MYO10: variants seen among roughly 807,000 people sequenced by gnomAD.
MYO10 encodes myosin X.
In MYO10, 133 loss-of-function variants were observed where a neutral mutation model predicts 257.3. The ratio of observed to expected loss-of-function variants is 0.52; its 90% CI spans 0.45 to 0.60. The LOEUF (loss-of-function observed/expected upper bound fraction) is 0.60, where lower values mean the gene tolerates loss of function less well. Among genes scored for constraint, MYO10 ranks in the 20% least tolerant of loss-of-function variants. The pLI, the probability that MYO10 is intolerant of heterozygous loss-of-function variation, is 0.00. For missense variants in MYO10, 2,399 were observed against 2,635.7 expected (o/e 0.91, Z 1.97); for synonymous variants, 1,104 against 1,028.6 (o/e 1.07, Z -1.40).
Position 16,888,965 on chromosome 5 carries a change from A to C in MYO10, c.22-11258T>G, listed in dbSNP as rs1489324224. Among the ~76,000 whole-genome samples, 3 of 151,972 alleles carry C rather than the reference A, an allele frequency of 2.0e-5. No homozygotes were observed. In the East Asian group the frequency reaches 5.8e-4, roughly 29 times the overall value. On this transcript the variant is annotated intron_variant, in intron 1 of 40. Transcript: ENST00000513610. ...AGGTGGGAGGATCGTTTGAGCTCAGAAGTTTGAGACTAGCCTGGGCAATAT... is the reference window on the plus strand; with the variant it reads ...AGGTGGGAGGATCGTTTGAGCTCAGCAGTTTGAGACTAGCCTGGGCAATAT...
chr5:16,722,344 C>T (rs574843432), intron 19 of MYO10, among the ~76,000 whole-genome samples: 83 of 152,340 alleles, frequency 5.4e-4, no homozygotes, highest in African/African-American at 1.9e-3. Context: ...GAGTTCACTA[C>T]ATTGCCTGGT....
chr5:16,719,896 G>A (rs748232762), intron 19 of MYO10, among the ~76,000 whole-genome samples: 9 of 152,098 alleles, frequency 5.9e-5, no homozygotes, highest in Middle Eastern at 3.2e-3. Flanking sequence ...CCCAGGAGGC[G>A]GAGGTTGTAG....
At chr5:16,879,465 A>G (rs1321091846) in intron 1 of MYO10, among the ~76,000 whole-genome samples, 2 of 152,188 alleles carry the variant, frequency 1.3e-5, no homozygotes, top group African/African-American at 4.8e-5. Flanking sequence ...GGAGTGCCCC[A>G]GATATATCAG....
At chr5:16,812,385 C>A (rs1473595875) in intron 3 of MYO10, among the ~76,000 whole-genome samples, 1 of 152,182 alleles carries the variant, frequency 6.6e-6, no homozygotes, top group Non-Finnish European at 1.5e-5. Flanking sequence ...GCATCAAACT[C>A]GGTACGGCCT....
intron 3 of MYO10, among the ~76,000 whole-genome samples, chr5:16,796,192 A>T (rs1324453898): frequency 8.6e-6 from 1 of 116,724 alleles, no homozygotes; most frequent in African/African-American, 3.9e-5. Flanking sequence ...CTGTCAAAAA[A>T]AAAAAAAAAA....
chr5:16,720,705 G>A (rs111478460), intron 19 of MYO10, among the ~76,000 whole-genome samples: 1,950 of 152,220 alleles, frequency 0.013, 49 homozygotes, highest in African/African-American at 0.043. Flanking sequence ...TGATCCACCC[G>A]CCTTGGCCTC....
intron 4 of MYO10, among the ~76,000 whole-genome samples, chr5:16,787,142 C>T (rs1304268843): frequency 6.6e-6 from 1 of 151,916 alleles, no homozygotes; most frequent in African/African-American, 2.4e-5. Context: ...GCACTCTAGC[C>T]TGGGTGACAG....
intron 5 of MYO10, among the ~76,000 whole-genome samples, chr5:16,783,088 G>A: frequency 6.6e-6 from 1 of 152,156 alleles, no homozygotes; most frequent in Non-Finnish European, 1.5e-5. Flanking sequence ...TCTGCAGACA[G>A]CCATTGCGCG....
intron 3 of MYO10, among the ~76,000 whole-genome samples, chr5:16,811,226 C>G (rs1742430642): frequency 6.6e-6 from 1 of 152,174 alleles, no homozygotes; most frequent in South Asian, 2.1e-4. Context: ...CTGCCCCAGG[C>G]ACTCCGGGAT....
At chr5:16,856,755 G>A (rs957941787) in intron 2 of MYO10, among the ~76,000 whole-genome samples, 1 of 152,126 alleles carries the variant, frequency 6.6e-6, no homozygotes, top group African/African-American at 2.4e-5. Context: ...ATTTAGGGAT[G>A]AGTCCAACGC....
chr5:16,793,584 A>C (rs1741836249), intron 4 of MYO10, among the ~76,000 whole-genome samples: 1 of 152,060 alleles, frequency 6.6e-6, no homozygotes, highest in Non-Finnish European at 1.5e-5. Flanking sequence ...TGGCCTCCTA[A>C]AGTGCTGGGA....
chr5:16,781,820 C>T lies in MYO10; in HGVS notation c.612G>A (p.Met204Ile). 1 of 1,613,934 alleles carries T rather than the reference C, an allele frequency of 6.2e-7. No individual in the cohort carries two copies. ...ERAILESSPI[M>I]EAFGNAKTVY... Reference sequence around the variant, plus strand: ...CGGTCTTCGCATTGCCGAAAGCTTCCATGATGGGGCTGTGAAGACAGTGAG... The same window carrying T: ...CGGTCTTCGCATTGCCGAAAGCTTCTATGATGGGGCTGTGAAGACAGTGAG... Residue 204 changes from methionine (M) to isoleucine (I), a missense_variant, in exon 6 of 41, where the codon ATG becomes ATA. Around this residue, in one of 3 missense-constraint regions of MYO10, gnomAD observed 337 missense variants for 446.8 expected, o/e 0.75. Coordinates refer to ENST00000513610, the MANE Select transcript of MYO10 (RefSeq NM_012334.3).
intron 4 of MYO10, among the ~76,000 whole-genome samples, chr5:16,792,459 T>TC (rs1741795460): frequency 6.6e-6 from 1 of 152,070 alleles, no homozygotes; most frequent in East Asian, 1.9e-4. Context: ...TTCTTATCCA[T>TC]CCTCAATCAG....
intron 19 of MYO10, chr5:16,738,115 A>T: frequency 1.0e-6 from 1 of 984,290 alleles, no homozygotes; most frequent in East Asian, 1.1e-4. Context: ...AGGTGGAAAT[A>T]CACAGGGGAG....
chr5:16,718,107 C>CGGAGG (rs1738962776), intron 19 of MYO10, among the ~76,000 whole-genome samples: 1 of 152,220 alleles, frequency 6.6e-6, no homozygotes, highest in Non-Finnish European at 1.5e-5. Flanking sequence ...CCAGTGGCTG[C>CGGAGG]GGAGGGTGTA....
At chr5:16,675,827 C>T (rs2126479438) in intron 34 of MYO10, among the ~76,000 whole-genome samples, 1 of 152,312 alleles carries the variant, frequency 6.6e-6, no homozygotes, top group South Asian at 2.1e-4. Flanking sequence ...TTTACTACAG[C>T]AATCAATCTT....
chr5:16,826,104 C>T (rs1487237578), intron 2 of MYO10, among the ~76,000 whole-genome samples: 2 of 151,886 alleles, frequency 1.3e-5, no homozygotes, highest in East Asian at 3.9e-4. Context: ...GCCAAGACTG[C>T]ACCACTGCAC....
chr5:16,841,500 C>T (rs1258296456), intron 2 of MYO10, among the ~76,000 whole-genome samples: 2 of 152,078 alleles, frequency 1.3e-5, no homozygotes, highest in Non-Finnish European at 2.9e-5. Context: ...TTTATCTCTG[C>T]GAACTTAATA....
chr5:16,803,183 T>C (rs1742173828), intron 3 of MYO10, among the ~76,000 whole-genome samples: 1 of 152,098 alleles, frequency 6.6e-6, no homozygotes, highest in Non-Finnish European at 1.5e-5. Flanking sequence ...CCCAGCAGTT[T>C]GGGAGGCCGA....
Sources: allele counts gnomAD v4.1 joint callset (sites outside exome capture counted in the v4.1 genomes callset), GRCh38; gene constraint gnomAD v4.1.1; regional missense constraint gnomAD v4.1.1; transcripts MANE v1.5; gene names NCBI Gene and HGNC (gene_info 2026-07-23, HGNC 2026-07-21).